Variants in NDUFA7 observed in about 807,000 individuals in gnomAD.
NDUFA7 encodes NADH:ubiquinone oxidoreductase subunit A7.
In NDUFA7, 18 loss-of-function variants were observed where a neutral mutation model predicts 14.2. The ratio of observed to expected loss-of-function variants is 1.27; its 90% CI spans 0.88 to 1.88. The LOEUF is 1.88. Among genes scored for constraint, NDUFA7 ranks in the 40% most tolerant of loss-of-function variants. The pLI, the probability that NDUFA7 is intolerant of heterozygous loss-of-function variation, is 0.00. For synonymous variants in NDUFA7, 75 were observed against 62.1 expected (o/e 1.21, Z -0.98); for missense variants, 172 against 147.3 (o/e 1.17, Z -0.87).
At chr19:8,320,951 G>T in intron 1 of NDUFA7, 45 bp from the exon 2 acceptor site, 1 of 1,610,352 alleles carries the variant, frequency 6.2e-7, no homozygotes. Flanking sequence ...GGCACCCCAG[G>T]AGAGAGGAAA....
intron 3 of NDUFA7, among the ~76,000 whole-genome samples, chr19:8,315,640 T>C (rs1476681358): frequency 6.6e-6 from 1 of 152,114 alleles, no homozygotes; most frequent in South Asian, 2.1e-4. Context: ...CCAATAATGA[T>C]GAATAAATAC....
downstream of NDUFA7, chr19:8,308,620 A>G (rs1970136293): frequency 2.8e-6 from 1 of 356,736 alleles, no homozygotes; most frequent in South Asian, 3.7e-5. Flanking sequence ...CTTCTTTAAT[A>G]TGGCAGCCAC....
At position 8,311,578 on chromosome 19, in the gene NDUFA7, G is replaced by A. The variant is rs757289337; in HGVS notation, c.269C>T (p.Thr90Ile). Residue 90 changes from threonine (T) to isoleucine (I), a missense_variant, in exon 4 of 4, where the codon ACT becomes ATT. Coordinates refer to ENST00000301457, the MANE Select transcript of NDUFA7 (RefSeq NM_005001.5). ...KPAESSAVAATEKKAVTPAPP... is the reference protein window; with the variant it reads ...KPAESSAVAAIEKKAVTPAPP... ...AGCTGGAGTCACCGCCTTCTTCTCA[G>A]TGGCAGCTACAGCAGAGCTGGAGGA... The A allele has an allele frequency of 6.2e-7, 1 of 1,612,718 alleles. No homozygotes were observed. The highest frequency in any genetic ancestry group is 8.5e-7 in the Non-Finnish European group (1 of 1,179,360).
At chr19:8,309,221 C>T (rs1240445584), downstream of NDUFA7, among the ~76,000 whole-genome samples, 1 of 151,998 alleles carries the variant, frequency 6.6e-6, no homozygotes, top group Non-Finnish European at 1.5e-5. Context: ...CGCCTGTTAA[C>T]CCCAGCACTT....
At chr19:8,314,900 T>G (rs1199131974) in intron 3 of NDUFA7, among the ~76,000 whole-genome samples, 1 of 152,058 alleles carries the variant, frequency 6.6e-6, no homozygotes, top group East Asian at 1.9e-4. Context: ...GGTGTGGGGA[T>G]AAGAAAGAGA....
At chr19:8,312,340 A>T (rs143421478) in intron 3 of NDUFA7, among the ~76,000 whole-genome samples, 141 of 152,240 alleles carry the variant, frequency 9.3e-4, no homozygotes, top group African/African-American at 3.2e-3. Context: ...GCCTCAAGGA[A>T]ATGGAAAAGG....
At chr19:8,318,254 G>A (rs530433736) in intron 2 of NDUFA7, among the ~76,000 whole-genome samples, 5 of 151,880 alleles carry the variant, frequency 3.3e-5, no homozygotes, top group South Asian at 2.1e-4. Context: ...AGGTTCAAGC[G>A]ATTTTCCTGC....
intron 3 of NDUFA7, among the ~76,000 whole-genome samples, chr19:8,315,188 A>G (rs1274555896): frequency 6.6e-6 from 1 of 152,214 alleles, no homozygotes; most frequent in Admixed American, 6.5e-5. Context: ...GCATTGTCCA[A>G]GGTTTCTCCC....
intron 2 of NDUFA7, among the ~76,000 whole-genome samples, chr19:8,318,927 G>A (rs961596003): frequency 6.7e-5 from 10 of 149,322 alleles, no homozygotes; most frequent in Non-Finnish European, 8.9e-5. Context: ...TCTCAGATCC[G>A]CCACTGCACT....
chr19:8,311,038 T>C (rs1446400678), downstream of NDUFA7, among the ~76,000 whole-genome samples: 1 of 152,030 alleles, frequency 6.6e-6, no homozygotes, highest in African/African-American at 2.4e-5. Context: ...TTCTATCTCC[T>C]CCCCAGGAAC....
At chr19:8,309,595 G>C (rs887543373), downstream of NDUFA7, among the ~76,000 whole-genome samples, 1 of 151,964 alleles carries the variant, frequency 6.6e-6, no homozygotes. Flanking sequence ...CTTCCCTCCT[G>C]ACCTTTCTGA....
chr19:8,316,742 A>G, intron 2 of NDUFA7, 97 bp from the exon 3 acceptor site: 1 of 1,438,690 alleles, frequency 7.0e-7, no homozygotes, highest in Non-Finnish European at 9.6e-7. Flanking sequence ...TGTGGGATCT[A>G]CAGCCAGCCA....
chr19:8,309,673 C>T (rs117334292), downstream of NDUFA7, among the ~76,000 whole-genome samples: 364 of 152,190 alleles, frequency 2.4e-3, no homozygotes, highest in Non-Finnish European at 4.1e-3. Flanking sequence ...CTTTGTAGGA[C>T]CCACTCTGGG....
chr19:8,316,824 G>C (rs1970241501), intron 2 of NDUFA7, 179 bp from the exon 3 acceptor site: 1 of 685,142 alleles, frequency 1.5e-6, no homozygotes. Context: ...AGGGGTCCTG[G>C]GGCCAGAAGC....
Position 8,311,378 on chromosome 19 carries a change from T to TAATA in NDUFA7, c.*126_*127insTATT, listed in dbSNP as rs759040910. ...AACATGGTGAGACTCTGTCTCTATT[T>TAATA]TTTTATTTTTTAAAGTAAAACTAGA... On this transcript the variant is annotated 3_prime_UTR_variant, in exon 4 of 4. Coordinates refer to ENST00000301457, the MANE Select transcript of NDUFA7 (RefSeq NM_005001.5). 6.7e-4 allele frequency: 500 copies of TAATA among 750,736 alleles called. 2 individuals are homozygous for TAATA. In the Middle Eastern group the frequency reaches 6.9e-3, roughly 10 times the overall value. 46.5% of individuals were successfully genotyped at this position (750,736 alleles called of 1,614,324 possible).
chr19:8,312,825 C>A (rs187051120), intron 3 of NDUFA7, among the ~76,000 whole-genome samples: 1 of 152,144 alleles, frequency 6.6e-6, no homozygotes, highest in African/African-American at 2.4e-5. Context: ...CCACCACACC[C>A]GGCTAATTTT....
chr19:8,311,490 C>T lies in NDUFA7; in HGVS notation c.*15G>A, dbSNP rs773207377. The T allele has an allele frequency of 1.0e-5, 16 of 1,584,142 alleles. No individual in the cohort carries two copies. Among genetic ancestry groups the T allele is most frequent in the East Asian group, 2.3e-5 (1 of 43,380 alleles). Reference sequence around the variant, plus strand: ...CAAGGAGGCAAAGTAGTCGGGTGGCCGTGAGGGTGCAGTGTCACAGGTAAG... The same window carrying T: ...CAAGGAGGCAAAGTAGTCGGGTGGCTGTGAGGGTGCAGTGTCACAGGTAAG... On this transcript the variant is annotated 3_prime_UTR_variant, in exon 4 of 4. Coordinates refer to ENST00000301457, the MANE Select transcript of NDUFA7 (RefSeq NM_005001.5).
intron 3 of NDUFA7, among the ~76,000 whole-genome samples, chr19:8,316,148 C>CAA (rs60161246): frequency 2.5e-3 from 197 of 80,286 alleles, no homozygotes; most frequent in African/African-American, 4.2e-3. Flanking sequence ...GACTCCGTCT[C>CAA]AAAAAAAAAA....
intron 3 of NDUFA7, among the ~76,000 whole-genome samples, chr19:8,314,426 A>G (rs1315134728): frequency 4.0e-5 from 6 of 151,454 alleles, no homozygotes. Context: ...TGTAGGATGC[A>G]GAGTCCTGGC....
Sources: allele counts gnomAD v4.1 joint callset (sites outside exome capture counted in the v4.1 genomes callset), GRCh38; gene constraint gnomAD v4.1.1; transcripts MANE v1.5; gene names NCBI Gene and HGNC (gene_info 2026-07-23, HGNC 2026-07-21).